OSBPL10: variants seen among roughly 807,000 people sequenced by gnomAD.
The protein encoded by OSBPL10 is oxysterol-binding protein-related protein 10.
In OSBPL10, 49 loss-of-function variants were observed where a neutral mutation model predicts 81.7. The ratio of observed to expected loss-of-function variants is 0.60; its 90% confidence interval spans 0.48 to 0.76. OSBPL10 has a LOEUF of 0.76. OSBPL10 is among the 30% of genes least tolerant of loss of function. The pLI is 0.00. For synonymous variants in OSBPL10, 419 were observed against 383.6 expected, an observed-to-expected ratio of 1.09 and a Z score of -1.08; for missense variants, 923 against 987.8, an observed-to-expected ratio of 0.93 and a Z score of 0.88.
intron 1 of OSBPL10, among the ~76,000 whole-genome samples, chr3:31,959,966 T>C (rs918683554): frequency 3.3e-5 from 5 of 152,188 alleles, no homozygotes; most frequent in African/African-American, 1.2e-4. Flanking sequence ...ACGTGGCCAC[T>C]GTGCTACTTA....
chr3:31,732,885 A>T (rs1697022596), intron 6 of OSBPL10: 2 of 267,426 alleles, frequency 7.5e-6, no homozygotes, highest in Non-Finnish European at 1.4e-5. Context: ...TATCAGCAGG[A>T]ACCACACGAA....
Position 31,938,397 on chromosome 3 carries a change from T to G in OSBPL10, c.281+42502A>C, listed in dbSNP as rs1697440352. ...CACCAAGGAGAAAACCACACAACCA[T>G]TAACAGCAGATGGCATAACAGATTC... is the stretch of plus-strand genomic sequence containing the variant. On this transcript the variant is annotated intron_variant, in intron 1 of 11. Transcript: ENST00000396556. 2.0e-5 allele frequency among the ~76,000 whole-genome samples: 3 copies of G among 152,144 alleles called. No homozygotes were observed. The South Asian group carries it at 6.2e-4, about 32-fold the overall frequency.
intron 4 of OSBPL10, among the ~76,000 whole-genome samples, chr3:31,812,820 GAAAGAAAGAAAGAAAGAAAGAAAGAA>G (rs1699741555): frequency 9.5e-6 from 1 of 105,274 alleles, no homozygotes; most frequent in South Asian, 3.3e-4. Flanking sequence ...GAAAGAAAGA[GAAAGAAAGAAAGAAAGAAAGAAAGAA>G]CGAACTTCTC....
intron 1 of OSBPL10, among the ~76,000 whole-genome samples, chr3:31,883,787 G>C (rs533555727): frequency 2.0e-4 from 30 of 152,114 alleles, no homozygotes; most frequent in Non-Finnish European, 4.0e-4. Flanking sequence ...GCCTCCCCAC[G>C]TGCTGGAATT....
chr3:31,873,321 G>A (rs1003959198), intron 3 of OSBPL10, among the ~76,000 whole-genome samples: 7 of 152,112 alleles, frequency 4.6e-5, no homozygotes, highest in African/African-American at 1.4e-4. Flanking sequence ...GAAAAAAAGA[G>A]TAGTCGTTTA....
intron 2 of OSBPL10, among the ~76,000 whole-genome samples, chr3:32,013,013 C>A (rs1391572419): frequency 6.6e-6 from 1 of 152,210 alleles, no homozygotes; most frequent in Non-Finnish European, 1.5e-5. Flanking sequence ...TAACACCCCA[C>A]TGTCAACATT....
In OSBPL10 at chr3:31,668,825, C is replaced by G; in HGVS notation, c.1914-1G>C. On this transcript the variant is annotated splice_acceptor_variant, in intron 9 of 11. Coordinates refer to ENST00000396556, the MANE Select transcript of OSBPL10 (RefSeq NM_017784.5). LOFTEE classifies it high-confidence loss of function. Reference sequence around the variant, plus strand: ...GTTGTGCTTCACTTCTGCGGTAACCCTGAATTAATGAGTCAAATGAGTACA... The same window carrying G: ...GTTGTGCTTCACTTCTGCGGTAACCGTGAATTAATGAGTCAAATGAGTACA... 6.2e-7 allele frequency: 1 copy of G among 1,602,254 alleles called. No individual in the cohort carries two copies. Among genetic ancestry groups the G allele is most frequent in the Non-Finnish European group, 8.5e-7 (1 of 1,172,576 alleles).
At chr3:32,020,294 T>A (rs1200136936) in intron 2 of OSBPL10, among the ~76,000 whole-genome samples, 1 of 152,244 alleles carries the variant, frequency 6.6e-6, no homozygotes, top group Admixed American at 6.5e-5. Flanking sequence ...TTAGCCCATT[T>A]GCAGACATAC....
chr3:31,870,171 T>C (rs1287777773), intron 3 of OSBPL10, among the ~76,000 whole-genome samples: 1 of 152,210 alleles, frequency 6.6e-6, no homozygotes, highest in South Asian at 2.1e-4. Context: ...GCGGGCCAGC[T>C]GGAGTTCCAG....
intron 1 of OSBPL10, among the ~76,000 whole-genome samples, chr3:31,916,208 T>C (rs1696754046): frequency 6.6e-6 from 1 of 152,118 alleles, no homozygotes; most frequent in African/African-American, 2.4e-5. Context: ...TCCAAAAGGC[T>C]ATAGCACACA....
intron 4 of OSBPL10, among the ~76,000 whole-genome samples, chr3:31,827,746 G>A (rs1008184404): frequency 6.6e-6 from 1 of 152,068 alleles, no homozygotes; most frequent in African/African-American, 2.4e-5. Context: ...GGTTAACAGT[G>A]GTTATCTGTA....
chr3:31,898,886 G>A (rs1696143118), intron 1 of OSBPL10, among the ~76,000 whole-genome samples: 1 of 150,966 alleles, frequency 6.6e-6, no homozygotes, highest in South Asian at 2.1e-4. Flanking sequence ...GACATAGGAG[G>A]GTATCATTAA....
intron 1 of OSBPL10, among the ~76,000 whole-genome samples, chr3:31,901,139 T>C (rs778291805): frequency 6.6e-6 from 1 of 152,248 alleles, no homozygotes; most frequent in East Asian, 1.9e-4. Context: ...TTAAATCCTG[T>C]AGTCAAAGCA....
chr3:31,738,872 G>A (rs1461268772), intron 5 of OSBPL10, among the ~76,000 whole-genome samples: 2 of 151,664 alleles, frequency 1.3e-5, no homozygotes, highest in Admixed American at 1.3e-4. Flanking sequence ...AAAAGAAGCA[G>A]AATTAAGAAC....
chr3:31,794,132 C>A (rs1225461787), intron 4 of OSBPL10, among the ~76,000 whole-genome samples: 1 of 152,200 alleles, frequency 6.6e-6, no homozygotes, highest in Non-Finnish European at 1.5e-5. Context: ...CCCGACCCCA[C>A]TTTCCCCACA....
At chr3:31,831,791 G>A (rs1415917847) in intron 3 of OSBPL10, among the ~76,000 whole-genome samples, 1 of 152,088 alleles carries the variant, frequency 6.6e-6, no homozygotes, top group Non-Finnish European at 1.5e-5. Flanking sequence ...AAAAAAGGTG[G>A]CAAAACCCTG....
At chr3:31,741,758 T>A (rs1022946074) in intron 5 of OSBPL10, among the ~76,000 whole-genome samples, 4 of 152,238 alleles carry the variant, frequency 2.6e-5, no homozygotes, top group African/African-American at 9.6e-5. Context: ...CCTCCCATAA[T>A]TCTCACATGT....
chr3:32,036,406 C>T (rs1046271273), intron 2 of OSBPL10, among the ~76,000 whole-genome samples: 4 of 152,210 alleles, frequency 2.6e-5, no homozygotes, highest in African/African-American at 9.7e-5. Flanking sequence ...CCAATTGCCA[C>T]TGCCCAGGTG....
At chr3:31,888,263 G>A (rs942936091) in intron 1 of OSBPL10, among the ~76,000 whole-genome samples, 1 of 152,134 alleles carries the variant, frequency 6.6e-6, no homozygotes, top group South Asian at 2.1e-4. Flanking sequence ...GGGACAACTG[G>A]ATATCCATAT....
Sources: gnomAD v4.1 joint callset for allele counts (sites outside exome capture counted in the v4.1 genomes callset) on GRCh38, gnomAD v4.1.1 for gene constraint, MANE v1.5 for transcripts, NCBI Gene and HGNC (gene_info 2026-07-23, HGNC 2026-07-21) for gene names.